RGL4: variants seen among roughly 807,000 people sequenced by gnomAD.
RGL4 encodes ral-GDS-related protein.
RGL4 carries 41 observed loss-of-function variants against 49.6 expected under a neutral mutation model. The observed-to-expected ratio is 0.83, with a 90% confidence interval of 0.64 to 1.07. RGL4 has a LOEUF of 1.07. Ranked by LOEUF, RGL4 falls within the 50% of genes least tolerant of loss-of-function variation. RGL4 has a pLI of 0.00. For missense variants in RGL4, 610 were observed against 591.9 expected (o/e 1.03, Z -0.32); for synonymous variants, 255 against 238.0 (o/e 1.07, Z -0.66).
intron 6 of RGL4, chr22:23,696,367 C>T: frequency 1.4e-6 from 2 of 1,430,482 alleles, no homozygotes; most frequent in Non-Finnish European, 1.9e-6. Flanking sequence ...CTACAGGAAA[C>T]TGAGCCCTCA....
chr22:23,694,576 G>A (rs533284179), intron 5 of RGL4, 126 bp downstream of exon 5: 28 of 702,810 alleles, frequency 4.0e-5, no homozygotes, highest in Non-Finnish European at 6.3e-5. Flanking sequence ...GGGATGGGCC[G>A]GTGGCTGTGG....
In RGL4 at chr22:23,697,713, C is replaced by T. The variant is rs951753067; in HGVS notation, c.1237-125C>T. 10 of 1,059,316 alleles carry T rather than the reference C, an allele frequency of 9.4e-6. No homozygotes were observed. The Admixed American group carries it at 1.4e-4, about 15-fold the overall frequency. The allele number at this position is 1,059,316 out of a possible 1,614,324, so 65.6% of individuals were successfully genotyped here. On this transcript the variant is annotated intron_variant, in intron 8 of 10. Transcript: ENST00000290691. ...CTAGAGCCCGGAGCCTGAGGCAGGT[C>T]CAAGTCCTGTCGTGTGCACATCCCC... is the stretch of plus-strand genomic sequence containing the variant.
At chr22:23,693,666 G>A (rs1030701900) in intron 3 of RGL4, 93 bp from the exon 4 acceptor site, 9 of 1,012,750 alleles carry the variant, frequency 8.9e-6, no homozygotes, top group Admixed American at 1.9e-5. Context: ...GCCAGAGACC[G>A]TGGATGACTG....
intron 3 of RGL4, among the ~76,000 whole-genome samples, chr22:23,693,355 T>C (rs555688404): frequency 6.6e-4 from 101 of 152,170 alleles, no homozygotes; most frequent in African/African-American, 2.1e-3. Context: ...GATTCTATGG[T>C]AGACACCCAA....
At chr22:23,694,040 G>T in intron 4 of RGL4, 66 bp downstream of exon 4, 1 of 1,423,100 alleles carries the variant, frequency 7.0e-7, no homozygotes, top group Middle Eastern at 2.3e-4. Context: ...CTCCTCCATC[G>T]GCTTTCAGGA....
At chr22:23,696,719 AG>A (rs1923525537) in intron 7 of RGL4, 31 bp downstream of exon 7, 1 of 1,587,640 alleles carries the variant, frequency 6.3e-7, no homozygotes, top group African/African-American at 1.3e-5. Context: ...GACGGGCCGC[AG>A]GGGATCAGAG....
intron 10 of RGL4, 178 bp from the exon 11 acceptor site, chr22:23,698,666 C>T: frequency 1.2e-6 from 1 of 830,578 alleles, no homozygotes; most frequent in Non-Finnish European, 1.9e-6. Flanking sequence ...CCCCACCTGG[C>T]CTAGAGGAGG....
In RGL4 at chr22:23,693,876, A is replaced by G. The variant is rs1347178686; in HGVS notation, c.814A>G (p.Arg272Gly). The G allele has an allele frequency of 2.5e-6, 4 of 1,613,884 alleles. No homozygotes were observed. ...TCGTGCCACCATCGCACACTTCAAC[A>G]GGCTCACCAACTGCATCACCACCTC... ...TVRATIAHFN[R>G]LTNCITTSCL... The change falls in exon 4 of 11, where the codon AGG becomes GGG. Residue 272 changes from arginine to glycine, a missense_variant. Transcript: ENST00000290691.
At chr22:23,698,413 A>C in intron 10 of RGL4, 80 bp downstream of exon 10, 1 of 1,491,302 alleles carries the variant, frequency 6.7e-7, no homozygotes, top group East Asian at 2.3e-5. Context: ...TCTGTCGCCC[A>C]GGCTGCACTG....
chr22:23,695,303 G>A (rs996195714), intron 6 of RGL4: 2 of 455,208 alleles, frequency 4.4e-6, no homozygotes, highest in Admixed American at 2.9e-5. Context: ...ATGAGCTGCA[G>A]CATTAGCAGG....
intron 3 of RGL4, among the ~76,000 whole-genome samples, chr22:23,693,465 G>T (rs1923275247): frequency 6.6e-6 from 1 of 152,310 alleles, no homozygotes; most frequent in East Asian, 1.9e-4. Context: ...GCCTCAGGAT[G>T]GGCAGGCCTG....
Position 23,692,971 on chromosome 22 carries a change from C to A in RGL4, c.676C>A (p.Gln226Lys), listed in dbSNP as rs1294867227. The part of the protein sequence containing the change: ...TTFPPRLLAE[Q>K]LTLMDAELFK... ...CTTCCCTCCCAGGCTGCTGGCAGAG[C>A]AGCTGACCCTCATGGATGCGGTGAG... is the stretch of plus-strand genomic sequence containing the variant. The change falls in exon 3 of 11, where the codon CAG (glutamine) becomes AAG (lysine). Residue 226 changes from glutamine to lysine, a missense_variant. Gln to Lys is a moderately conservative substitution (Grantham distance 53). Coordinates refer to ENST00000290691, the MANE Select transcript of RGL4 (RefSeq NM_153615.2). 2 of 1,606,918 alleles carry A rather than the reference C, an allele frequency of 1.2e-6. No individual in the cohort carries two copies. The highest frequency in any genetic ancestry group is 2.7e-5 in the African/African-American group (2 of 74,880).
At chr22:23,696,817 G>C in intron 7 of RGL4, 129 bp downstream of exon 7, 1 of 792,992 alleles carries the variant, frequency 1.3e-6, no homozygotes, top group South Asian at 1.8e-5. Flanking sequence ...TGTGGCCACT[G>C]GGCCTGGAAA....
At chr22:23,697,301 G>C in intron 8 of RGL4, 56 bp downstream of exon 8, 2 of 1,424,202 alleles carry the variant, frequency 1.4e-6, no homozygotes, top group Non-Finnish European at 2.0e-6. Context: ...CTTGGGAGGA[G>C]AGGGTCCTGG....
At position 23,695,013 on chromosome 22, in the gene RGL4, G is replaced by C. The variant is rs377009394; in HGVS notation, c.1080G>C (p.Leu360=). 15 of 1,611,008 alleles carry C rather than the reference G, an allele frequency of 9.3e-6. No individual in the cohort carries two copies. The highest frequency in any genetic ancestry group is 1.3e-5 in the Non-Finnish European group (15 of 1,177,330). The change falls in exon 6 of 11, where the codon CTG becomes CTC. Residue 360 remains leucine, a synonymous_variant. Coordinates refer to ENST00000290691, the MANE Select transcript of RGL4 (RefSeq NM_153615.2). ...KKDTAVKRDL[L]IKAGSFKVAT... is the part of the protein sequence containing the mutation. Reference sequence around the variant, plus strand: ...ACACTGCAGTGAAGAGGGACCTACTGATCAAGGTACAGTGGAGTCTGGGAG... The same window carrying C: ...ACACTGCAGTGAAGAGGGACCTACTCATCAAGGTACAGTGGAGTCTGGGAG...
In RGL4 at chr22:23,694,419, C is replaced by T; in HGVS notation, c.985C>T (p.Gln329Ter). The T allele has an allele frequency of 6.2e-7, 1 of 1,613,888 alleles. No homozygotes were observed. The change falls in exon 5 of 11, where the codon CAG becomes TAG. Residue 329 changes from glutamine (Q) to a stop codon, truncating the protein, a stop_gained. Coordinates refer to ENST00000290691, the MANE Select transcript of RGL4 (RefSeq NM_153615.2). LOFTEE classifies it high-confidence loss of function. ...VSALCSNPIGQLHKTWAGVSS... is the reference protein window; with the variant it reads ...VSALCSNPIG ...TGCTCTGTGCAGCAACCCAATAGGT[C>T]AGCTACACAAGACGTGGGCAGGAGT...
intron 4 of RGL4, 53 bp downstream of exon 4, chr22:23,694,027 C>G: frequency 6.7e-7 from 1 of 1,495,304 alleles, no homozygotes; most frequent in East Asian, 2.3e-5. Flanking sequence ...GGAACTTCCT[C>G]TTCTCCTCCA....
chr22:23,697,114 GA>G, intron 7 of RGL4, 56 bp from the exon 8 acceptor site: 3 of 1,342,614 alleles, frequency 2.2e-6, no homozygotes, highest in Non-Finnish European at 3.1e-6. Flanking sequence ...GCAGGCACCT[GA>G]GGGCCAATAC....
rs1462020993 is a variant in RGL4, at chr22:23,692,876, C to T, written c.581C>T (p.Pro194Leu). The change falls in exon 3 of 11, where the codon CCA (proline) becomes CTA (leucine). Residue 194 changes from proline (P) to leucine (L), a missense_variant. Pro to Leu is a moderately conservative substitution (Grantham distance 98). Transcript: ENST00000290691. ...ACAGTGCTGGAGCCACAGTCAGCCC[C>T]AGAGTCCTCCTGTCCCTGTCGTGGG... The part of the protein sequence containing the change: ...PGTVLEPQSA[P>L]ESSCPCRGSV... The T allele has an allele frequency of 1.2e-6, 2 of 1,613,700 alleles. No homozygotes were observed. Among genetic ancestry groups the T allele is most frequent in the Admixed American group, 1.7e-5 (1 of 60,028 alleles).
Sources: gnomAD v4.1 joint callset for allele counts (sites outside exome capture counted in the v4.1 genomes callset) on GRCh38, gnomAD v4.1.1 for gene constraint, MANE v1.5 for transcripts, NCBI Gene and HGNC (gene_info 2026-07-23, HGNC 2026-07-21) for gene names.